ATM: variants seen among roughly 807,000 people sequenced by gnomAD.
ATM encodes serine-protein kinase ATM.
A neutral mutation model predicts 387.0 loss-of-function variants in ATM; 308 were observed. The ratio of observed to expected loss-of-function variants is 0.80; its 90% CI spans 0.73 to 0.87. ATM has a LOEUF of 0.87. ATM is among the 40% of genes least tolerant of loss of function. The pLI is 0.00. For missense variants in ATM, 3,312 were observed against 3,560.9 expected (o/e 0.93, Z 1.78); for synonymous variants, 1,156 against 1,187.3 (o/e 0.97, Z 0.54).
chr11:108,321,317 G>A lies in ATM; in HGVS notation c.6469G>A (p.Glu2157Lys). Residue 2157 changes from glutamate to lysine, a missense_variant, in exon 45 of 63, where the codon GAG becomes AAG. Transcript: ENST00000675843. The stretch of plus-strand genomic sequence containing the variant: ...TGCTACTAGAGTAAAAGAAGTGGAA[G>A]AGATGTGTAAGCGCAGCCTTGAGTC... ...LKYARVKEVEEMCKRSLESVY... is the reference protein window; with the variant it reads ...LKYARVKEVEKMCKRSLESVY... 6.2e-7 allele frequency: 1 copy of A among 1,614,150 alleles called. No homozygotes were observed. The highest frequency in any genetic ancestry group is 8.5e-7 in the Non-Finnish European group (1 of 1,180,002).
rs568451087 is a variant in ATM, at chr11:108,284,399, G to A, written c.3919G>A (p.Gly1307Arg). ...TGCCTATGAGGGTACCAGAGACAGT[G>A]GGATGGCACAGCAAAGAGAGACTGC... ...YFAYEGTRDS[G>R]MAQQRETATK... Residue 1307 changes from glycine to arginine, a missense_variant, in exon 26 of 63, where the codon GGG (glycine) becomes AGG (arginine). By Grantham distance (125) the Gly-to-Arg change is moderately radical. This residue lies in a region of ATM where 1,791 missense variants were observed against 1,804.5 expected (regional missense o/e 0.99). Coordinates refer to ENST00000675843, the MANE Select transcript of ATM (RefSeq NM_000051.4). 1.8e-4 allele frequency: 295 copies of A among 1,613,892 alleles called. 4 individuals are homozygous for A. The South Asian group carries it at 3.1e-3, about 17-fold the overall frequency.
At chr11:108,278,155 A>T (rs1362621311) in intron 22 of ATM, among the ~76,000 whole-genome samples, 2 of 152,224 alleles carry the variant, frequency 1.3e-5, no homozygotes, top group Non-Finnish European at 2.9e-5. Flanking sequence ...AGTCACATAA[A>T]GTATTAAAAC....
chr11:108,262,085 G>A (rs552129012), intron 16 of ATM, among the ~76,000 whole-genome samples: 3 of 149,562 alleles, frequency 2.0e-5, no homozygotes, highest in Non-Finnish European at 2.9e-5. Context: ...GAGAACTTCC[G>A]CAATCTAGCA....
intron 61 of ATM, among the ~76,000 whole-genome samples, chr11:108,362,368 A>T (rs1358877018): frequency 6.6e-6 from 1 of 151,640 alleles, no homozygotes; most frequent in Non-Finnish European, 1.5e-5. Flanking sequence ...AAACTAGTTC[A>T]ACCATTGTGG....
Position 108,365,588 on chromosome 11 carries a change from T to A in ATM, c.*80T>A. 6.8e-7 allele frequency: 1 copy of A among 1,479,772 alleles called. No homozygotes were observed. Among genetic ancestry groups the A allele is most frequent in the Non-Finnish European group, 9.2e-7 (1 of 1,085,896 alleles). The allele number at this position is 1,479,772 out of a possible 1,614,324, so 91.7% of individuals were successfully genotyped here. A position where few individuals can be genotyped will look rare whatever the true frequency, so the allele number is the denominator to read the frequency against. Reference sequence around the variant, plus strand: ...TTTATTTTTAACCTGCCAACATACTTTAAGTAGGGATTAATATTTAAGTGA... The same window carrying A: ...TTTATTTTTAACCTGCCAACATACTATAAGTAGGGATTAATATTTAAGTGA... On this transcript the variant is annotated 3_prime_UTR_variant, in exon 63 of 63. Transcript: ENST00000675843.
intron 22 of ATM, 134 bp downstream of exon 22, chr11:108,272,986 T>G: frequency 8.9e-7 from 1 of 1,118,730 alleles, no homozygotes; most frequent in Non-Finnish European, 1.3e-6. Context: ...GCCTGGCATT[T>G]ATGTTTATTC....
chr11:108,225,104 G>C (rs1227250511), intron 1 of ATM: 1 of 152,162 alleles, frequency 6.6e-6, no homozygotes, highest in Non-Finnish European at 1.5e-5. Context: ...CAAATCTTTA[G>C]TATATTTAGG....
chr11:108,323,379 A>G (rs547873377), intron 45 of ATM, among the ~76,000 whole-genome samples: 1 of 152,310 alleles, frequency 6.6e-6, no homozygotes, highest in Non-Finnish European at 1.5e-5. Context: ...ATAGAATGGT[A>G]GTAACCAGAG....
intron 5 of ATM, among the ~76,000 whole-genome samples, chr11:108,242,234 A>C (rs2079600027): frequency 6.6e-6 from 1 of 152,232 alleles, no homozygotes; most frequent in Non-Finnish European, 1.5e-5. Context: ...CACTATGAAC[A>C]TCTATTAATT....
chr11:108,260,745 G>A (rs1294340200), intron 16 of ATM, among the ~76,000 whole-genome samples: 1 of 152,214 alleles, frequency 6.6e-6, no homozygotes, highest in East Asian at 1.9e-4. Context: ...CATCTCACTA[G>A]GGAGTGCCAG....
chr11:108,280,486 T>C (rs913249748), intron 23 of ATM, among the ~76,000 whole-genome samples: 3 of 152,122 alleles, frequency 2.0e-5, no homozygotes, highest in African/African-American at 7.2e-5. Context: ...TGCTTTATTT[T>C]TAGATCTTTT....
At chr11:108,340,939 T>C (rs1303367115) in intron 56 of ATM, among the ~76,000 whole-genome samples, 1 of 152,158 alleles carries the variant, frequency 6.6e-6, no homozygotes, top group Non-Finnish European at 1.5e-5. Context: ...TTTATTGAGG[T>C]TTTTTTGGTG....
In ATM at chr11:108,316,016, G is replaced by A. The variant is rs3218670; in HGVS notation, c.6101G>A (p.Arg2034Gln). 6.8e-5 allele frequency: 110 copies of A among 1,614,020 alleles called. No homozygotes were observed. The highest frequency in any genetic ancestry group is 6.7e-4 in the South Asian group (61 of 91,074). The change falls in exon 42 of 63, where the codon CGA becomes CAA. Residue 2034 changes from arginine (R) to glutamine (Q), a missense_variant. Transcript: ENST00000675843. ...TTCACAATCTTTTCTTATAGACTAC[G>A]AACATATGAACACGAAGCAATGTGG... Reference protein sequence around the residue: ...GKMLQPITRLRTYEHEAMWGK... With the variant: ...GKMLQPITRLQTYEHEAMWGK...
intron 5 of ATM, among the ~76,000 whole-genome samples, chr11:108,242,135 CAA>C (rs199712751): frequency 6.6e-6 from 1 of 150,588 alleles, no homozygotes; most frequent in Non-Finnish European, 1.5e-5. Flanking sequence ...AAACAAAAAA[CAA>C]AAAAAAGAGG....
chr11:108,345,172 T>C (rs1013834495), intron 57 of ATM, among the ~76,000 whole-genome samples: 5 of 152,188 alleles, frequency 3.3e-5, no homozygotes, highest in Non-Finnish European at 7.3e-5. Flanking sequence ...CAAGTGAAGA[T>C]GCTGAATGGG....
At chr11:108,334,137 A>T (rs2136625802) in intron 54 of ATM, among the ~76,000 whole-genome samples, 169 bp downstream of exon 54, 1 of 152,258 alleles carries the variant, frequency 6.6e-6, no homozygotes, top group Middle Eastern at 3.4e-3. Flanking sequence ...AAGCCCTAAA[A>T]TACTCAAAAG....
Position 108,267,202 on chromosome 11 carries a change from G to A in ATM, c.2498G>A (p.Gly833Glu), listed in dbSNP as rs552010421. The A allele has an allele frequency of 1.2e-6, 2 of 1,614,144 alleles. No individual in the cohort carries two copies. Among genetic ancestry groups the A allele is most frequent in the South Asian group, 1.1e-5 (1 of 91,076 alleles). ...TTCATCAAAAAGCCATTTGACCGTG[G>A]AGAAGTAGAATCAATGGAAGATGAT... ...ASFIKKPFDR[G>E]EVESMEDDTN... Residue 833 changes from glycine to glutamate, a missense_variant, in exon 17 of 63, where the codon GGA (glycine) becomes GAA (glutamate). Gly to Glu is a moderately conservative substitution (Grantham distance 98). Around this residue, in one of 4 missense-constraint regions of ATM, gnomAD observed 1,791 missense variants for 1,804.5 expected, o/e 0.99. Transcript: ENST00000675843.
rs1591160022 is a variant in ATM at position 108,330,248 on chromosome 11, G to T, written c.7342G>T (p.Asp2448Tyr). 6.2e-7 allele frequency: 1 copy of T among 1,614,190 alleles called. No homozygotes were observed. Among genetic ancestry groups the T allele is most frequent in the Non-Finnish European group, 8.5e-7 (1 of 1,180,016 alleles). ...AAAGGTTCAGCGAGAGCTGGAGTTG[G>T]ATGAATTAGCCCTGCGTGCACTGAA... ...TVKVQRELEL[D>Y]ELALRALKED... Residue 2448 changes from aspartate (D) to tyrosine (Y), a missense_variant, in exon 50 of 63, where the codon GAT becomes TAT. By Grantham distance (160) the Asp-to-Tyr change is radical. Transcript: ENST00000675843.
chr11:108,260,227 G>A (rs1370944934), intron 16 of ATM, among the ~76,000 whole-genome samples: 22 of 151,804 alleles, frequency 1.4e-4, no homozygotes, highest in Admixed American at 1.4e-3. Context: ...TAGAGACCAG[G>A]TTTCACCATG....
Sources: allele counts gnomAD v4.1 joint callset (sites outside exome capture counted in the v4.1 genomes callset), GRCh38; gene constraint gnomAD v4.1.1; regional missense constraint gnomAD v4.1.1; transcripts MANE v1.5; gene names NCBI Gene and HGNC (gene_info 2026-07-23, HGNC 2026-07-21).